Variants in PITPNM2 observed in about 807,000 individuals in gnomAD.
The protein encoded by PITPNM2 is phosphatidylinositol transfer protein membrane associated 2.
Under a neutral mutation model 132.2 loss-of-function variants are expected in PITPNM2, and 35 were observed. The observed-to-expected ratio is 0.26, with a 90% confidence interval of 0.20 to 0.35. The LOEUF (loss-of-function observed/expected upper bound fraction) is 0.35. PITPNM2 is among the 10% of genes least tolerant of loss of function. PITPNM2 has a pLI of 1.00. For missense variants in PITPNM2, 1,332 were observed against 1,912.0 expected (o/e 0.70, Z 5.66); for synonymous variants, 738 against 799.2 (o/e 0.92, Z 1.29).
At chr12:123,014,464 G>C (rs1480676373) in intron 3 of PITPNM2, among the ~76,000 whole-genome samples, 2 of 152,232 alleles carry the variant, frequency 1.3e-5, no homozygotes, top group African/African-American at 2.4e-5. Context: ...AGCACTTCAG[G>C]AGGCTGAGGT....
intron 1 of PITPNM2, among the ~76,000 whole-genome samples, chr12:123,114,138 A>C (rs954335567): frequency 6.6e-6 from 1 of 152,186 alleles, no homozygotes; most frequent in African/African-American, 2.4e-5. Context: ...ATTGTGAATA[A>C]ATGCTACTGT....
In PITPNM2 at chr12:122,986,533, G is replaced by A; in HGVS notation, c.3629C>T (p.Ser1210Phe). ...LHLRVHAAYG[S>F]TKDVAVYSAI... ...GCTGTACACCGCCACGTCCTTGGTG[G>A]AGCCATAGGCCGCGTGCACGCGCAG... The change falls in exon 25 of 26, where the codon TCC (serine) becomes TTC (phenylalanine). Residue 1210 changes from serine to phenylalanine, a missense_variant. This residue lies in a region of PITPNM2 where 251 missense variants were observed against 472.0 expected (regional missense o/e 0.53). Transcript: ENST00000320201. 6.2e-7 allele frequency: 1 copy of A among 1,600,310 alleles called. No homozygotes were observed. Among genetic ancestry groups the A allele is most frequent in the Non-Finnish European group, 8.5e-7 (1 of 1,172,128 alleles).
intron 1 of PITPNM2, among the ~76,000 whole-genome samples, chr12:123,126,104 T>C (rs1164532536): frequency 2.6e-5 from 4 of 151,626 alleles, no homozygotes; most frequent in African/African-American, 4.8e-5. Context: ...CTTCTGACCT[T>C]GTGATCCGCC....
At chr12:123,007,660 G>T (rs950021072) in intron 6 of PITPNM2, among the ~76,000 whole-genome samples, 1 of 152,306 alleles carries the variant, frequency 6.6e-6, no homozygotes, top group East Asian at 1.9e-4. Context: ...AGCCCCAGGG[G>T]TGGCCTCAGA....
intron 2 of PITPNM2, among the ~76,000 whole-genome samples, chr12:123,044,589 G>T (rs2040592763): frequency 6.6e-6 from 1 of 152,160 alleles, no homozygotes; most frequent in Admixed American, 6.5e-5. Flanking sequence ...ATAAGCCCTT[G>T]TGATGACAGA....
At chr12:123,060,543 G>C (rs1181324341) in intron 2 of PITPNM2, among the ~76,000 whole-genome samples, 1 of 152,242 alleles carries the variant, frequency 6.6e-6, no homozygotes, top group Admixed American at 6.5e-5. Context: ...ATGCAGAGTG[G>C]CCTGGAGGGA....
intron 1 of PITPNM2, among the ~76,000 whole-genome samples, chr12:123,121,088 G>C (rs1460453951): frequency 6.6e-6 from 1 of 152,220 alleles, no homozygotes; most frequent in East Asian, 1.9e-4. Flanking sequence ...GCTGACTCTG[G>C]CTCCAGCCCT....
At chr12:122,996,999 C>G (rs945394717) in intron 11 of PITPNM2, 89 bp from the exon 12 acceptor site, 22 of 1,279,252 alleles carry the variant, frequency 1.7e-5, no homozygotes, top group Non-Finnish European at 1.1e-6. Flanking sequence ...CAGCCATGGA[C>G]TCAGCATACG....
In PITPNM2 at chr12:123,033,540, G is replaced by A. The variant is rs1029784560; in HGVS notation, c.78+973C>T. Among the ~76,000 whole-genome samples the A allele has an allele frequency of 5.9e-5, 9 of 152,296 alleles. 1 individual carries two copies. Among genetic ancestry groups the A allele is most frequent in the South Asian group, 2.1e-4 (1 of 4,828 alleles). On this transcript the variant is annotated intron_variant, in intron 3 of 25. Coordinates refer to ENST00000320201, the MANE Select transcript of PITPNM2 (RefSeq NM_020845.3). ...CTGTCATCCTCAAACTCCTGTGTGC[G>A]TCTGTAAGTGAGCCACATGTCTGAC...
At chr12:123,118,008 G>A (rs1419275100) in intron 1 of PITPNM2, among the ~76,000 whole-genome samples, 3 of 152,218 alleles carry the variant, frequency 2.0e-5, no homozygotes, top group Non-Finnish European at 4.4e-5. Context: ...GAGCCACAGT[G>A]TGAAAGGATC....
At chr12:123,012,974 C>G (rs779972638) in intron 4 of PITPNM2, among the ~76,000 whole-genome samples, 2 of 152,200 alleles carry the variant, frequency 1.3e-5, no homozygotes, top group Non-Finnish European at 2.9e-5. Flanking sequence ...TCCTCAGTGG[C>G]TTCTAGAAGC....
At chr12:123,089,278 G>T (rs2042197543) in intron 2 of PITPNM2, 1 of 152,150 alleles carries the variant, frequency 6.6e-6, no homozygotes, top group South Asian at 2.1e-4. Flanking sequence ...TGAGCCAGAG[G>T]GCACTGAACT....
rs184412290 is a variant in PITPNM2 at position 123,060,863 on chromosome 12, A to G, written c.-95-26178T>C. The stretch of plus-strand genomic sequence containing the variant: ...AACCTCAGAAACTGAAGAACTTGCA[A>G]TCCAACCCTATCATTGGGTAGATGG... On this transcript the variant is annotated intron_variant, in intron 2 of 25. Transcript: ENST00000320201. Among the ~76,000 whole-genome samples, 48 of 152,258 alleles carry G rather than the reference A, an allele frequency of 3.2e-4. 2 individuals carry two copies. In the East Asian group the frequency reaches 9.1e-3, roughly 29 times the overall value.
At chr12:123,034,859 T>C (rs749602499) in intron 2 of PITPNM2, among the ~76,000 whole-genome samples, 174 bp from the exon 3 acceptor site, 7 of 152,212 alleles carry the variant, frequency 4.6e-5, no homozygotes, top group Non-Finnish European at 8.8e-5. Context: ...TTTATTTTTC[T>C]TGTTTGCTAA....
At position 123,117,376 on chromosome 12, in the gene PITPNM2, G is replaced by A. The variant is rs2042952959; in HGVS notation, c.-199-6888C>T. 6.6e-6 allele frequency among the ~76,000 whole-genome samples: 1 copy of A among 152,180 alleles called. No homozygotes were observed. Among genetic ancestry groups the A allele is most frequent in the African/African-American group, 2.4e-5 (1 of 41,440 alleles). On this transcript the variant is annotated intron_variant, in intron 1 of 25. Transcript: ENST00000320201. This position sits in a 1 kb window ranked among gnomAD's most constrained non-coding sequence, Gnocchi z 4.7. Reference sequence around the variant, plus strand: ...CTCTATCTGTGCAGAGCAGGGGTTTGCACACTGTGGACAGAGATATGGATG... The same window carrying A: ...CTCTATCTGTGCAGAGCAGGGGTTTACACACTGTGGACAGAGATATGGATG...
rs1260136317 is a variant in PITPNM2 at position 123,025,184 on chromosome 12, C to T, written c.78+9329G>A. Among the ~76,000 whole-genome samples the T allele has an allele frequency of 3.3e-5, 5 of 152,216 alleles. No homozygotes were observed. The East Asian group carries it at 7.7e-4, about 23-fold the overall frequency. On this transcript the variant is annotated intron_variant, in intron 3 of 25. Transcript: ENST00000320201. ...ATGATGGGCTAGCCAAGGGCATCCTCGGTCAGCTTCCTGAACAGCAGGTGT... is the reference window on the plus strand; with the variant it reads ...ATGATGGGCTAGCCAAGGGCATCCTTGGTCAGCTTCCTGAACAGCAGGTGT...
At chr12:123,042,277 G>A (rs2040509468) in intron 2 of PITPNM2, among the ~76,000 whole-genome samples, 1 of 152,188 alleles carries the variant, frequency 6.6e-6, no homozygotes, top group Non-Finnish European at 1.5e-5. Context: ...GGGGTGGCCA[G>A]GCTGGAGGCA....
rs756981343 is a variant in PITPNM2 at position 123,014,034 on chromosome 12, G to A, written c.87C>T (p.Ser29=). ...TGCCTTCGCCATATGTCTCGTTACG[G>A]CTCTTCTTCTGTGGGGACAAAAGCA... ...IAQLYMIQKK[S]RNETYGEGSG... is the part of the protein sequence containing the mutation. Residue 29 remains serine (S), a synonymous_variant, in exon 4 of 26, where the codon AGC becomes AGT. Coordinates refer to ENST00000320201, the MANE Select transcript of PITPNM2 (RefSeq NM_020845.3). 1 of 1,614,198 alleles carries A rather than the reference G, an allele frequency of 6.2e-7. No homozygotes were observed.
At chr12:122,998,797 G>C (rs1275452891) in intron 10 of PITPNM2, among the ~76,000 whole-genome samples, 1 of 152,050 alleles carries the variant, frequency 6.6e-6, no homozygotes, top group African/African-American at 2.4e-5. Context: ...GGGGAGGGCA[G>C]GGGCTGGATC....
Sources: gnomAD v4.1 joint callset for allele counts (sites outside exome capture counted in the v4.1 genomes callset) on GRCh38, gnomAD v4.1.1 for gene constraint, gnomAD v4.1.1 regional missense constraint, Gnocchi (gnomAD v3.1) non-coding constraint, MANE v1.5 for transcripts, NCBI Gene and HGNC (gene_info 2026-07-23, HGNC 2026-07-21) for gene names.